Variants in ARHGAP24 observed in about 807,000 individuals in gnomAD.
The protein encoded by ARHGAP24 is Rho GTPase activating protein 24.
ARHGAP24 carries 50 observed loss-of-function variants against 76.4 expected under a neutral mutation model. The ratio of observed to expected loss-of-function variants is 0.65; its 90% confidence interval spans 0.52 to 0.83. The LOEUF is 0.83. Among genes scored for constraint, ARHGAP24 ranks in the 40% least tolerant of loss-of-function variants. The probability of loss-of-function intolerance (pLI) is 0.00; values close to 1 mark genes in which losing one functional copy is unlikely to be tolerated. For missense variants in ARHGAP24, 930 were observed against 914.2 expected (o/e 1.02, Z -0.22); for synonymous variants, 345 against 323.3 (o/e 1.07, Z -0.72).
chr4:85,498,988 A>G (rs1320739942), intron 1 of ARHGAP24, among the ~76,000 whole-genome samples: 2 of 152,218 alleles, frequency 1.3e-5, no homozygotes, highest in African/African-American at 4.8e-5. Context: ...AGTGTCATCC[A>G]TGAGATTAGA....
rs1294931746 is a variant in ARHGAP24 at position 85,942,123 on chromosome 4, G to A, written c.449G>A (p.Arg150His). ...CGTTATGAGAAGAGATATGGGAACCGTCTGGCTCCGATGTTGGTGGAGCAG... is the reference window on the plus strand; with the variant it reads ...CGTTATGAGAAGAGATATGGGAACCATCTGGCTCCGATGTTGGTGGAGCAG... ...TVRYEKRYGN[R>H]LAPMLVEQCV... The change falls in exon 5 of 10, where the codon CGT becomes CAT. Residue 150 changes from arginine to histidine, a missense_variant. Arg to His is a conservative substitution (Grantham distance 29). Transcript: ENST00000395184. The A allele has an allele frequency of 1.2e-5, 19 of 1,613,822 alleles. No homozygotes were observed. The highest frequency in any genetic ancestry group is 3.3e-4 in the Middle Eastern group (2 of 6,026).
chr4:85,928,498 T>C (rs754098094), intron 4 of ARHGAP24, among the ~76,000 whole-genome samples: 2 of 152,124 alleles, frequency 1.3e-5, no homozygotes. Flanking sequence ...CCTTCTGTTG[T>C]CCAGGCTGGA....
chr4:85,712,236 A>G (rs1724556502), intron 2 of ARHGAP24, among the ~76,000 whole-genome samples: 1 of 152,140 alleles, frequency 6.6e-6, no homozygotes, highest in South Asian at 2.1e-4. Flanking sequence ...GTTAAGAGAG[A>G]AGAGGGTGGG....
At chr4:85,602,178 A>T (rs1291862332) in intron 2 of ARHGAP24, among the ~76,000 whole-genome samples, 1 of 152,170 alleles carries the variant, frequency 6.6e-6, no homozygotes, top group African/African-American at 2.4e-5. Flanking sequence ...ACATAGATAA[A>T]ACTCTGCATG....
chr4:85,811,898 G>A (rs927196911), intron 3 of ARHGAP24, among the ~76,000 whole-genome samples: 2 of 152,140 alleles, frequency 1.3e-5, no homozygotes, highest in Non-Finnish European at 2.9e-5. Context: ...GTTTTTGGCT[G>A]GGCGTGGTAG....
At chr4:85,772,936 G>A (rs368004051) in intron 3 of ARHGAP24, among the ~76,000 whole-genome samples, 2 of 152,242 alleles carry the variant, frequency 1.3e-5, no homozygotes, top group South Asian at 2.1e-4. Flanking sequence ...AAGTATATGC[G>A]CCTCATAGAC....
chr4:85,696,770 G>A (rs899264792), intron 2 of ARHGAP24, among the ~76,000 whole-genome samples: 3 of 152,228 alleles, frequency 2.0e-5, no homozygotes, highest in East Asian at 1.9e-4. Flanking sequence ...GCTAAATCTG[G>A]GGCAGCACTT....
chr4:85,931,629 G>GAACT (rs1736337921), intron 4 of ARHGAP24, among the ~76,000 whole-genome samples: 1 of 152,116 alleles, frequency 6.6e-6, no homozygotes, highest in Non-Finnish European at 1.5e-5. Context: ...GGCAAAGATA[G>GAACT]AACTATCAGG....
chr4:85,949,249 T>C (rs1262957992), intron 5 of ARHGAP24, among the ~76,000 whole-genome samples: 1 of 152,178 alleles, frequency 6.6e-6, no homozygotes, highest in Non-Finnish European at 1.5e-5. Flanking sequence ...ACCCAAAACA[T>C]ATTTTAGGTT....
chr4:85,979,133 C>G (rs1054279402), intron 8 of ARHGAP24, among the ~76,000 whole-genome samples: 3 of 152,130 alleles, frequency 2.0e-5, no homozygotes, highest in Non-Finnish European at 4.4e-5. Context: ...CAAGTTAGGA[C>G]CTGGATAAAA....
chr4:85,619,047 T>C (rs912852029), intron 2 of ARHGAP24, among the ~76,000 whole-genome samples: 6 of 152,068 alleles, frequency 3.9e-5, no homozygotes, highest in Non-Finnish European at 7.4e-5. Context: ...GTCAAACCAA[T>C]GTCATGGAGC....
At chr4:85,985,610 T>C (rs1373435583) in intron 8 of ARHGAP24, among the ~76,000 whole-genome samples, 1 of 152,146 alleles carries the variant, frequency 6.6e-6, no homozygotes, top group African/African-American at 2.4e-5. Context: ...AAACGTGCAG[T>C]TATACCCCTG....
chr4:85,712,770 C>T (rs191474364), intron 2 of ARHGAP24, among the ~76,000 whole-genome samples: 4 of 152,254 alleles, frequency 2.6e-5, no homozygotes, highest in South Asian at 2.1e-4. Context: ...CTCTCTGTCA[C>T]GCTCTTTAAT....
intron 3 of ARHGAP24, among the ~76,000 whole-genome samples, chr4:85,843,806 T>C (rs1315439301): frequency 6.6e-6 from 1 of 152,118 alleles, no homozygotes; most frequent in Non-Finnish European, 1.5e-5. Context: ...AATATAATAT[T>C]TAAAACCATT....
At chr4:85,579,741 A>G (rs887388333) in intron 2 of ARHGAP24, among the ~76,000 whole-genome samples, 3 of 152,168 alleles carry the variant, frequency 2.0e-5, no homozygotes, top group Non-Finnish European at 2.9e-5. Context: ...TTCTTTTAGC[A>G]TAATATTTTC....
chr4:85,766,023 C>T (rs1375572139), intron 3 of ARHGAP24, among the ~76,000 whole-genome samples: 1 of 152,132 alleles, frequency 6.6e-6, no homozygotes, highest in African/African-American at 2.4e-5. Context: ...TGTTTATCCA[C>T]TGCACTTAAT....
At chr4:85,867,904 T>TATAC (rs1553936409) in intron 3 of ARHGAP24, among the ~76,000 whole-genome samples, 4 of 45,392 alleles carry the variant, frequency 8.8e-5, no homozygotes, top group Non-Finnish European at 2.5e-4. Context: ...TGTACATATA[T>TATAC]ATATACATAT....
intron 3 of ARHGAP24, among the ~76,000 whole-genome samples, chr4:85,882,669 A>G (rs1293016007): frequency 6.6e-6 from 1 of 152,142 alleles, no homozygotes; most frequent in Admixed American, 6.5e-5. Context: ...TGGCCAAGAG[A>G]TTCAAGAAGC....
intron 2 of ARHGAP24, among the ~76,000 whole-genome samples, chr4:85,632,757 T>A (rs1392698207): frequency 1.3e-5 from 2 of 152,142 alleles, no homozygotes; most frequent in Non-Finnish European, 2.9e-5. Context: ...CAATTGCAAT[T>A]ACCTGCTGCT....
Sources: gnomAD v4.1 joint callset for allele counts (sites outside exome capture counted in the v4.1 genomes callset) on GRCh38, gnomAD v4.1.1 for gene constraint, MANE v1.5 for transcripts, NCBI Gene and HGNC (gene_info 2026-07-23, HGNC 2026-07-21) for gene names.